FAM193A: variants seen among roughly 807,000 people sequenced by gnomAD.
FAM193A encodes family with sequence similarity 193 member A.
In FAM193A, 22 loss-of-function variants were observed where a neutral mutation model predicts 126.5. The ratio of observed to expected loss-of-function variants is 0.17; its 90% CI spans 0.12 to 0.25. The LOEUF (loss-of-function observed/expected upper bound fraction) is 0.25, where lower values mean the gene tolerates loss of function less well. Ranked by LOEUF, FAM193A falls within the 10% of genes least tolerant of loss-of-function variation. FAM193A has a pLI of 1.00. For missense variants in FAM193A, 1,675 were observed against 1,672.8 expected (o/e 1.00, Z -0.02); for synonymous variants, 761 against 646.8 (o/e 1.18, Z -2.68).
intron 20 of FAM193A, among the ~76,000 whole-genome samples, chr4:2,723,050 G>T (rs1333733830): frequency 1.3e-5 from 2 of 152,146 alleles, no homozygotes; most frequent in Non-Finnish European, 2.9e-5. Context: ...AAGGCAGGAG[G>T]ATCACGAGGT....
At chr4:2,574,184 G>A (rs1739450134) in intron 1 of FAM193A, among the ~76,000 whole-genome samples, 1 of 152,030 alleles carries the variant, frequency 6.6e-6, no homozygotes, top group Admixed American at 6.6e-5. Context: ...GTGTCAGTGT[G>A]GGGTGTCTGA....
rs370937638 is a variant in FAM193A at position 2,658,540 on chromosome 4, G to A, written c.1389+660G>A. 7.2e-5 allele frequency among the ~76,000 whole-genome samples: 11 copies of A among 152,172 alleles called. No individual in the cohort carries two copies. In the South Asian group the frequency reaches 2.3e-3, roughly 32 times the overall value. ...CACGTGCCACATCGACTCTCTTCCT[G>A]TTCTCTGACACTTCTCTCCATCTCC... On this transcript the variant is annotated intron_variant, in intron 8 of 20. Transcript: ENST00000637812.
In FAM193A at chr4:2,635,181, A is replaced by G. The variant is rs374773385; in HGVS notation, c.1038+4012A>G. ...CTCTTTTTATGGTTGGGTTATTCCAATCAGGACCCAAAAATCTTCACAAAT... is the reference window on the plus strand; with the variant it reads ...CTCTTTTTATGGTTGGGTTATTCCAGTCAGGACCCAAAAATCTTCACAAAT... On this transcript the variant is annotated intron_variant, in intron 5 of 20. Transcript: ENST00000637812. 2.0e-5 allele frequency among the ~76,000 whole-genome samples: 3 copies of G among 152,214 alleles called. No individual in the cohort carries two copies. In the East Asian group the frequency reaches 5.8e-4, roughly 29 times the overall value.
intron 12 of FAM193A, among the ~76,000 whole-genome samples, chr4:2,665,774 A>G (rs1203876491): frequency 6.6e-6 from 1 of 152,056 alleles, no homozygotes; most frequent in East Asian, 1.9e-4. Flanking sequence ...CCATCCTCCC[A>G]TTTCAGCCTC....
At chr4:2,601,864 A>G (rs1418333846) in intron 2 of FAM193A, among the ~76,000 whole-genome samples, 1 of 152,174 alleles carries the variant, frequency 6.6e-6, no homozygotes, top group Middle Eastern at 3.4e-3. Context: ...TTTAAGATAG[A>G]TTCTCGCTCT....
intron 15 of FAM193A, among the ~76,000 whole-genome samples, chr4:2,692,839 C>CA (rs1389119744): frequency 6.2e-4 from 54 of 86,640 alleles, no homozygotes; most frequent in African/African-American, 1.9e-3. Context: ...AGCAAAATGT[C>CA]AAAAAAAGAG....
At chr4:2,702,820 TAGCCTC>T (rs1288030546) in intron 19 of FAM193A, among the ~76,000 whole-genome samples, 1 of 152,232 alleles carries the variant, frequency 6.6e-6, no homozygotes, top group Non-Finnish European at 1.5e-5. Flanking sequence ...TTTTTGTCTT[TAGCCTC>T]AGGGTGTGGT....
At chr4:2,648,344 G>A (rs375427989) in intron 7 of FAM193A, among the ~76,000 whole-genome samples, 2 of 152,306 alleles carry the variant, frequency 1.3e-5, no homozygotes, top group South Asian at 2.1e-4. Context: ...CGCACAGCAC[G>A]TCAGGGTGAG....
Position 2,607,380 on chromosome 4 carries a change from C to T in FAM193A, c.501+11051C>T, listed in dbSNP as rs188400988. On this transcript the variant is annotated intron_variant, in intron 2 of 20. Transcript: ENST00000637812. Reference sequence around the variant, plus strand: ...TCCCCACCATTGTTTTTTTCCCTGTCAGTGTGAATGTCAGCACAGTGAAAA... The same window carrying T: ...TCCCCACCATTGTTTTTTTCCCTGTTAGTGTGAATGTCAGCACAGTGAAAA... Among the ~76,000 whole-genome samples the T allele has an allele frequency of 2.4e-4, 37 of 152,158 alleles. No individual in the cohort carries two copies. In the East Asian group the frequency reaches 6.0e-3, roughly 25 times the overall value.
chr4:2,688,063 T>C (rs1407648591), intron 13 of FAM193A, among the ~76,000 whole-genome samples: 1 of 152,152 alleles, frequency 6.6e-6, no homozygotes, highest in Admixed American at 6.5e-5. Context: ...CCAGAGGATG[T>C]GATGACCAGG....
At chr4:2,537,712 C>T (rs1185659017) in intron 1 of FAM193A, among the ~76,000 whole-genome samples, 2 of 152,210 alleles carry the variant, frequency 1.3e-5, no homozygotes, top group Non-Finnish European at 2.9e-5. Flanking sequence ...TGAGAAGGGC[C>T]TCCCGGAAGT....
intron 1 of FAM193A, among the ~76,000 whole-genome samples, chr4:2,543,578 C>T (rs528524008): frequency 2.6e-3 from 400 of 151,966 alleles, no homozygotes; most frequent in Middle Eastern, 6.8e-3. Context: ...CCATAGGGAC[C>T]GGGCATAGTG....
At chr4:2,578,352 T>C (rs2108872883) in intron 1 of FAM193A, among the ~76,000 whole-genome samples, 1 of 152,302 alleles carries the variant, frequency 6.6e-6, no homozygotes, top group Admixed American at 6.5e-5. Flanking sequence ...TAATAATAAA[T>C]AGCTGCCATT....
intron 10 of FAM193A, among the ~76,000 whole-genome samples, chr4:2,662,313 A>G (rs1282958647): frequency 6.6e-6 from 1 of 152,246 alleles, no homozygotes; most frequent in African/African-American, 2.4e-5. Flanking sequence ...TTAAAGCAAA[A>G]AAAATTAGTC....
rs962185456 is a variant in FAM193A at position 2,579,571 on chromosome 4, C to T, written c.256-16513C>T. Among the ~76,000 whole-genome samples the T allele has an allele frequency of 6.6e-5, 10 of 152,154 alleles. 1 individual carries two copies. The Middle Eastern group carries it at 0.014, about 207-fold the overall frequency. ...AATATTAGCCAGACATAATGGCACT[C>T]GCCTGTGGTCCCAGTTACTCGGGAG... On this transcript the variant is annotated intron_variant, in intron 1 of 20. Transcript: ENST00000637812.
Position 2,669,342 on chromosome 4 carries a change from G to C in FAM193A, c.2080-2779G>C, listed in dbSNP as rs116923786. On this transcript the variant is annotated intron_variant, in intron 12 of 20. Coordinates refer to ENST00000637812, the MANE Select transcript of FAM193A (RefSeq NM_001366318.2). ...TCATTTTAAAAAATAGACCAGGCAT[G>C]GGGGTGTCTCACGCCCAGCACTTTG... 8.1e-3 allele frequency among the ~76,000 whole-genome samples: 1,240 copies of C among 152,182 alleles called. 39 individuals carry two copies. The East Asian group carries it at 0.091, about 11-fold the overall frequency.
chr4:2,655,625 A>G (rs1711580260), intron 7 of FAM193A, among the ~76,000 whole-genome samples: 1 of 152,128 alleles, frequency 6.6e-6, no homozygotes, highest in Non-Finnish European at 1.5e-5. Flanking sequence ...CCATAGGCAC[A>G]TGCCAGTGTG....
At chr4:2,590,679 A>G (rs2108897283) in intron 1 of FAM193A, among the ~76,000 whole-genome samples, 1 of 152,092 alleles carries the variant, frequency 6.6e-6, no homozygotes, top group Admixed American at 6.6e-5. Flanking sequence ...TAATGGGAAG[A>G]TGGACATGTG....
intron 6 of FAM193A, among the ~76,000 whole-genome samples, chr4:2,640,919 T>C (rs1206261194): frequency 6.7e-6 from 1 of 149,576 alleles, no homozygotes; most frequent in Non-Finnish European, 1.5e-5. Context: ...GAGCCAAGAG[T>C]GCACCACTGC....
Sources: gnomAD v4.1 joint callset for allele counts (sites outside exome capture counted in the v4.1 genomes callset) on GRCh38, gnomAD v4.1.1 for gene constraint, MANE v1.5 for transcripts, NCBI Gene and HGNC (gene_info 2026-07-23, HGNC 2026-07-21) for gene names.